ZBTB20: variants seen among roughly 807,000 people sequenced by gnomAD.
ZBTB20 encodes the protein zinc finger and BTB domain-containing protein 20.
In ZBTB20, 9 loss-of-function variants were observed where a neutral mutation model predicts 56.9. The ratio of observed to expected loss-of-function variants is 0.16; its 90% confidence interval spans 0.10 to 0.28. ZBTB20 has a LOEUF of 0.28. ZBTB20 is among the 10% of genes least tolerant of loss of function. ZBTB20 has a pLI of 1.00. For synonymous variants in ZBTB20, 417 were observed against 420.7 expected, an observed-to-expected ratio of 0.99 and a Z score of 0.11; for missense variants, 655 against 1,003.0, an observed-to-expected ratio of 0.65 and a Z score of 4.69.
At chr3:115,067,059 A>G (rs1248890218) in intron 2 of ZBTB20, among the ~76,000 whole-genome samples, 1 of 152,082 alleles carries the variant, frequency 6.6e-6, no homozygotes, top group African/African-American at 2.4e-5. Context: ...CATAACAATA[A>G]TAATTAGACT....
intron 1 of ZBTB20, among the ~76,000 whole-genome samples, chr3:115,087,275 A>G (rs2083021691): frequency 6.6e-6 from 1 of 151,808 alleles, no homozygotes; most frequent in Admixed American, 6.6e-5. Flanking sequence ...TGTCCATTAC[A>G]TTTTTCACGT....
chr3:115,079,419 C>T (rs1446625431), intron 1 of ZBTB20, among the ~76,000 whole-genome samples: 1 of 151,872 alleles, frequency 6.6e-6, no homozygotes, highest in Admixed American at 6.6e-5. Context: ...GACAGAGTCT[C>T]CCTCTGTCAC....
intron 6 of ZBTB20, among the ~76,000 whole-genome samples, chr3:114,631,382 C>CT (rs66470152): frequency 0.075 from 3,721 of 49,592 alleles, 1,560 homozygotes; most frequent in African/African-American, 0.21. Flanking sequence ...ATAGGTTATT[C>CT]TTTTTTTTTT....
chr3:114,818,723 A>G (rs1293207362), intron 4 of ZBTB20, among the ~76,000 whole-genome samples: 1 of 151,956 alleles, frequency 6.6e-6, no homozygotes, highest in East Asian at 1.9e-4. Context: ...AACAACCAAT[A>G]TCTGCCTTAA....
intron 7 of ZBTB20, among the ~76,000 whole-genome samples, chr3:114,397,379 C>T (rs2086422594): frequency 6.6e-6 from 1 of 152,042 alleles, no homozygotes; most frequent in Non-Finnish European, 1.5e-5. Context: ...AGCTTATTAG[C>T]TCTCATCTCC....
intron 5 of ZBTB20, among the ~76,000 whole-genome samples, chr3:114,711,847 A>G (rs777455158): frequency 6.6e-6 from 1 of 152,212 alleles, no homozygotes; most frequent in Non-Finnish European, 1.5e-5. Flanking sequence ...TAATCCATGA[A>G]GCAAACAACA....
chr3:114,397,638 T>G (rs1186343754), intron 7 of ZBTB20, among the ~76,000 whole-genome samples: 1 of 152,066 alleles, frequency 6.6e-6, no homozygotes, highest in Non-Finnish European at 1.5e-5. Context: ...TGGTGTATCT[T>G]AAAGTGTGTT....
At chr3:114,687,221 T>TG (rs1185242519) in intron 6 of ZBTB20, 2 of 152,040 alleles carry the variant, frequency 1.3e-5, no homozygotes, top group Non-Finnish European at 2.9e-5. Flanking sequence ...TTTTTTTTTT[T>TG]TTTCTGGAGA....
At chr3:114,375,723 A>C (rs151045711) in intron 10 of ZBTB20, 1 of 152,232 alleles carries the variant, frequency 6.6e-6, no homozygotes, top group Non-Finnish European at 1.5e-5. Flanking sequence ...GAAATGAATA[A>C]TTTCCTTCGA....
At chr3:114,976,524 G>A (rs555280713) in intron 2 of ZBTB20, among the ~76,000 whole-genome samples, 1 of 152,098 alleles carries the variant, frequency 6.6e-6, no homozygotes, top group South Asian at 2.1e-4. Flanking sequence ...TACTCAGGAG[G>A]CTGAAGCAGG....
rs553755166 is a variant in ZBTB20 at position 114,988,928 on chromosome 3, G to A, written c.-506-14512C>T. ...TGAGAAGTGTCTGTTCACATCCTTC[G>A]CCCAGTTTTTGATGGAGTTGTTTGT... On this transcript the variant is annotated intron_variant, in intron 2 of 11. Coordinates refer to ENST00000675478, the MANE Select transcript of ZBTB20 (RefSeq NM_001348800.3). Among the ~76,000 whole-genome samples, 17 of 152,164 alleles carry A rather than the reference G, an allele frequency of 1.1e-4. No individual in the cohort carries two copies. The East Asian group carries it at 1.4e-3, about 12-fold the overall frequency.
At chr3:114,878,484 TA>T (rs1262478196) in intron 4 of ZBTB20, among the ~76,000 whole-genome samples, 1 of 151,710 alleles carries the variant, frequency 6.6e-6, no homozygotes, top group Non-Finnish European at 1.5e-5. Flanking sequence ...AAATAGATGT[TA>T]GGGGTAAAAG....
intron 5 of ZBTB20, among the ~76,000 whole-genome samples, chr3:114,721,413 G>A (rs1317175205): frequency 1.3e-5 from 2 of 152,096 alleles, no homozygotes; most frequent in Non-Finnish European, 1.5e-5. Context: ...ATCTGACTTC[G>A]GTAGTGTCAG....
intron 2 of ZBTB20, among the ~76,000 whole-genome samples, chr3:115,022,165 T>C (rs1255264087): frequency 4.0e-5 from 6 of 150,672 alleles, no homozygotes; most frequent in Admixed American, 6.6e-5. Flanking sequence ...GGAATGATGG[T>C]TTACCACATG....
chr3:115,127,138 CTA>C (rs969677621), intron 1 of ZBTB20, among the ~76,000 whole-genome samples: 1 of 152,090 alleles, frequency 6.6e-6, no homozygotes, highest in Non-Finnish European at 1.5e-5. Context: ...CCAAAAAAAT[CTA>C]TGTTATCTAT....
chr3:114,716,733 A>C lies in ZBTB20; in HGVS notation c.-342-23158T>G, dbSNP rs2064505893. On this transcript the variant is annotated intron_variant, in intron 5 of 11. Transcript: ENST00000675478. Reference sequence around the variant, plus strand: ...GGGTTGTTTGAAATGCAATTTTACTAGTCTGGCAAAATGTTTTGGCGTGGG... The same window carrying C: ...GGGTTGTTTGAAATGCAATTTTACTCGTCTGGCAAAATGTTTTGGCGTGGG... 2.0e-5 allele frequency among the ~76,000 whole-genome samples: 3 copies of C among 152,144 alleles called. No individual in the cohort carries two copies. In the South Asian group the frequency reaches 6.2e-4, roughly 32 times the overall value.
intron 6 of ZBTB20, among the ~76,000 whole-genome samples, chr3:114,655,747 A>C (rs2060377575): frequency 6.6e-6 from 1 of 152,134 alleles, no homozygotes; most frequent in East Asian, 1.9e-4. Flanking sequence ...TATAAGTATA[A>C]TTTCATTTAC....
intron 5 of ZBTB20, among the ~76,000 whole-genome samples, chr3:114,733,817 C>G (rs2065934599): frequency 6.6e-6 from 1 of 152,108 alleles, no homozygotes; most frequent in Non-Finnish European, 1.5e-5. Context: ...GATATTTGGA[C>G]TCCTCTTTCA....
chr3:114,890,165 A>C (rs2076752893), intron 4 of ZBTB20, among the ~76,000 whole-genome samples: 1 of 152,204 alleles, frequency 6.6e-6, no homozygotes, highest in Non-Finnish European at 1.5e-5. Context: ...ATTAACAGTA[A>C]AATTCTTAAA....
Sources: allele counts gnomAD v4.1 joint callset (sites outside exome capture counted in the v4.1 genomes callset), GRCh38; gene constraint gnomAD v4.1.1; transcripts MANE v1.5; gene names NCBI Gene and HGNC (gene_info 2026-07-23, HGNC 2026-07-21).